The following ARHGAP23 variants were observed in gnomAD, a reference collection of about 807,000 sequenced individuals.
The protein encoded by ARHGAP23 is rho GTPase-activating protein 23.
In ARHGAP23, 34 loss-of-function variants were observed where a neutral mutation model predicts 136.3. The observed-to-expected ratio is 0.25, with a 90% confidence interval of 0.19 to 0.33. The LOEUF is 0.33. Among genes scored for constraint, ARHGAP23 ranks in the 10% least tolerant of loss-of-function variants. ARHGAP23 has a pLI of 1.00. For missense variants in ARHGAP23, 1,808 were observed against 2,139.0 expected (o/e 0.85, Z 3.05); for synonymous variants, 832 against 920.5 (o/e 0.90, Z 1.74).
At chr17:38,420,396 C>T (rs182012301) in intron 1 of ARHGAP23, among the ~76,000 whole-genome samples, 197 of 152,324 alleles carry the variant, frequency 1.3e-3, no homozygotes, top group Non-Finnish European at 2.0e-3. Flanking sequence ...AGTGCTCAGC[C>T]GCCCTAACTC....
chr17:38,423,515 G>A (rs2038540095), upstream of ARHGAP23, among the ~76,000 whole-genome samples: 1 of 151,854 alleles, frequency 6.6e-6, no homozygotes, highest in Admixed American at 6.6e-5. Flanking sequence ...GGGATTACAG[G>A]CGCACACCAC....
intron 1 of ARHGAP23, among the ~76,000 whole-genome samples, chr17:38,437,629 C>T (rs532257419): frequency 4.6e-5 from 7 of 151,776 alleles, no homozygotes; most frequent in African/African-American, 1.5e-4. Flanking sequence ...CCTACCCCCC[C>T]CAAAAAATAT....
intron 16 of ARHGAP23, among the ~76,000 whole-genome samples, chr17:38,483,377 C>T (rs1329333465): frequency 6.6e-6 from 1 of 152,240 alleles, no homozygotes; most frequent in African/African-American, 2.4e-5. Flanking sequence ...TCTGCAATCA[C>T]ACTTAAGTGT....
upstream of ARHGAP23, among the ~76,000 whole-genome samples, chr17:38,425,169 G>A (rs7226169): frequency 0.5 from 75,487 of 151,940 alleles, 20,407 homozygotes; most frequent in African/African-American, 0.73. Context: ...CCCCTCCAGC[G>A]TCACACCCCC....
At chr17:38,428,448 CA>C, upstream of ARHGAP23, 2 of 1,364,300 alleles carry the variant, frequency 1.5e-6, no homozygotes, top group Non-Finnish European at 1.9e-6. Context: ...CCGGCGCCCC[CA>C]GCCGTGCCCC....
At chr17:38,505,070 A>G (rs1427313681) in intron 23 of ARHGAP23, among the ~76,000 whole-genome samples, 1 of 129,560 alleles carries the variant, frequency 7.7e-6, no homozygotes, top group Non-Finnish European at 1.5e-5. Context: ...AGTGGCCTGA[A>G]CACAGCTCAC....
intron 20 of ARHGAP23, among the ~76,000 whole-genome samples, chr17:38,492,112 C>T (rs2040292124): frequency 6.6e-6 from 1 of 152,186 alleles, no homozygotes; most frequent in Admixed American, 6.5e-5. Flanking sequence ...TCATGGCTTC[C>T]TGGATGCCAA....
At position 38,466,452 on chromosome 17, in the gene ARHGAP23, T is replaced by C; in HGVS notation, c.769T>C (p.Phe257Leu). The C allele has an allele frequency of 6.6e-7, 1 of 1,523,318 alleles. No homozygotes were observed. Among genetic ancestry groups the C allele is most frequent in the Non-Finnish European group, 8.8e-7 (1 of 1,137,956 alleles). The allele number at this position is 1,523,318 out of a possible 1,614,324, so 94.4% of individuals were successfully genotyped here. A position where few individuals can be genotyped will look rare whatever the true frequency, so the allele number is the denominator to read the frequency against. Residue 257 changes from phenylalanine to leucine, a missense_variant, in exon 7 of 24, where the codon TTC (phenylalanine) becomes CTC (leucine). This residue lies in a region of ARHGAP23 where 859 missense variants were observed against 936.4 expected (regional missense o/e 0.92). Transcript: ENST00000622683. ...MSQPRPSPGA[F>L]PHLSSEPRTP... ...CCAGCCCCGCCCCAGCCCTGGTGCC[T>C]TCCCCCACCTCTCCTCGGAGCCCCG... is the stretch of plus-strand genomic sequence containing the variant.
Position 38,510,665 on chromosome 17 carries a change from G to GGA in ARHGAP23, c.4170_4171insAG (p.Pro1391SerfsTer25). 7.2e-7 allele frequency: 1 copy of GGA among 1,388,732 alleles called. No homozygotes were observed. Among genetic ancestry groups the GGA allele is most frequent in the Non-Finnish European group, 9.3e-7 (1 of 1,079,882 alleles). The allele number at this position is 1,388,732 out of a possible 1,614,324, so 86.0% of individuals were successfully genotyped here. Reference sequence around the variant, plus strand: ...GACATGCTCGCCGTGCGCCTGCGGCGGCCGCTGTCGCCCGAGACCCGGCGG... The same window carrying GGA: ...GACATGCTCGCCGTGCGCCTGCGGCGGAGCCGCTGTCGCCCGAGACCCGGCGG... On this transcript the variant is annotated frameshift_variant, in exon 24 of 24. Coordinates refer to ENST00000622683, the MANE Select transcript of ARHGAP23 (RefSeq NM_001199417.2). LOFTEE classifies it high-confidence loss of function. This position sits in a 1 kb window ranked among gnomAD's most constrained non-coding sequence, Gnocchi z 4.6.
chr17:38,492,164 A>G, intron 20 of ARHGAP23, among the ~76,000 whole-genome samples: 1 of 152,178 alleles, frequency 6.6e-6, no homozygotes, highest in South Asian at 2.1e-4. Flanking sequence ...GCATGGGCGG[A>G]GGAGAACCCA....
intron 2 of ARHGAP23, among the ~76,000 whole-genome samples, chr17:38,458,857 C>A (rs1311339176): frequency 6.6e-6 from 1 of 152,208 alleles, no homozygotes; most frequent in African/African-American, 2.4e-5. Flanking sequence ...GCCTCCCCAT[C>A]TCTGGGCTCC....
chr17:38,503,786 A>G (rs2040571355), intron 23 of ARHGAP23, among the ~76,000 whole-genome samples: 1 of 152,152 alleles, frequency 6.6e-6, no homozygotes, highest in South Asian at 2.1e-4. Context: ...GAACAATAGA[A>G]CGTGCTTTTC....
At chr17:38,474,762 G>A (rs188688974) in intron 11 of ARHGAP23, among the ~76,000 whole-genome samples, 51 of 152,216 alleles carry the variant, frequency 3.4e-4, no homozygotes, top group African/African-American at 1.2e-3. Flanking sequence ...AGAAGTGGGG[G>A]GGCCGGGGAG....
chr17:38,440,113 G>T (rs1291953624), intron 1 of ARHGAP23, among the ~76,000 whole-genome samples: 1 of 152,230 alleles, frequency 6.6e-6, no homozygotes, highest in Admixed American at 6.5e-5. Flanking sequence ...CCTCCTCCTG[G>T]GTTCAAGCGA....
chr17:38,441,982 G>C (rs1287085320), intron 1 of ARHGAP23, among the ~76,000 whole-genome samples: 2 of 151,650 alleles, frequency 1.3e-5, no homozygotes, highest in Non-Finnish European at 2.9e-5. Context: ...TTTGAGCCTG[G>C]ATCTGGCTCT....
At chr17:38,437,600 G>C (rs1746859912) in intron 1 of ARHGAP23, among the ~76,000 whole-genome samples, 1 of 149,160 alleles carries the variant, frequency 6.7e-6, no homozygotes, top group Non-Finnish European at 1.5e-5. Flanking sequence ...CTGGACAACA[G>C]AGCAAGACCC....
intron 20 of ARHGAP23, among the ~76,000 whole-genome samples, chr17:38,495,697 T>C (rs1306572723): frequency 1.3e-5 from 2 of 152,174 alleles, no homozygotes; most frequent in African/African-American, 4.8e-5. Context: ...GTTTCCCCTC[T>C]TCATTCCCCT....
chr17:38,510,626 G>A lies in ARHGAP23; in HGVS notation c.4130G>A (p.Arg1377His). The A allele has an allele frequency of 1.5e-6, 2 of 1,345,660 alleles. No homozygotes were observed. Among genetic ancestry groups the A allele is most frequent in the Non-Finnish European group, 1.9e-6 (2 of 1,056,928 alleles). The allele number at this position is 1,345,660 out of a possible 1,614,324, so 83.4% of individuals were successfully genotyped here. A position where few individuals can be genotyped will look rare whatever the true frequency, so the allele number is the denominator to read the frequency against. ...SRMEALRLRL[R>H]GTADDMLAVR... is the part of the protein sequence containing the mutation. The stretch of plus-strand genomic sequence containing the variant: ...ATGGAGGCGCTGCGTCTAAGGCTCC[G>A]CGGCACGGCGGACGACATGCTCGCC... The change falls in exon 24 of 24, where the codon CGC becomes CAC. Residue 1377 changes from arginine to histidine, a missense_variant. This residue lies in a region of ARHGAP23 where 506 missense variants were observed against 455.8 expected (regional missense o/e 1.11). Coordinates refer to ENST00000622683, the MANE Select transcript of ARHGAP23 (RefSeq NM_001199417.2). This position sits in a 1 kb window ranked among gnomAD's most constrained non-coding sequence, Gnocchi z 4.6.
At chr17:38,474,632 G>A (rs2144685671) in intron 11 of ARHGAP23, among the ~76,000 whole-genome samples, 1 of 152,264 alleles carries the variant, frequency 6.6e-6, no homozygotes. Context: ...GGCTCTGAGG[G>A]CGTGGCACTA....
Sources: gnomAD v4.1 joint callset for allele counts (sites outside exome capture counted in the v4.1 genomes callset) on GRCh38, gnomAD v4.1.1 for gene constraint, gnomAD v4.1.1 regional missense constraint, Gnocchi (gnomAD v3.1) non-coding constraint, MANE v1.5 for transcripts, NCBI Gene and HGNC (gene_info 2026-07-23, HGNC 2026-07-21) for gene names.